PLEKHG1: variants seen among roughly 807,000 people sequenced by gnomAD.
The protein encoded by PLEKHG1 is pleckstrin homology and RhoGEF domain containing G1.
A neutral mutation model predicts 100.8 loss-of-function variants in PLEKHG1; 44 were observed. That is an observed-to-expected ratio of 0.44 (90% CI 0.34 to 0.56). The LOEUF is 0.56. PLEKHG1 is among the 20% of genes least tolerant of loss of function. PLEKHG1 has a pLI of 0.01. For synonymous variants in PLEKHG1, 640 were observed against 662.5 expected (o/e 0.97, Z 0.52); for missense variants, 1,545 against 1,720.9 (o/e 0.90, Z 1.81).
chr6:150,760,075 A>C (rs1478795175), intron 2 of PLEKHG1, among the ~76,000 whole-genome samples: 1 of 152,182 alleles, frequency 6.6e-6, no homozygotes, highest in Admixed American at 6.5e-5. Flanking sequence ...AATAATGTAC[A>C]TTTATTTTAC....
In PLEKHG1 at chr6:150,819,728, C is replaced by T. The variant is rs150554027; in HGVS notation, c.1362C>T (p.Phe454=). Residue 454 remains phenylalanine, a synonymous_variant, in exon 12 of 16, where the codon TTC becomes TTT. Transcript: ENST00000358517. The stretch of plus-strand genomic sequence containing the variant: ...CTGAGGGAGGGACGAAAGCACTGTT[C>T]GGCTCTAAAGAAGGTTCTGCTCCAT... 11,549 of 1,612,102 alleles carry T rather than the reference C, an allele frequency of 7.2e-3. 60 individuals are homozygous for T. The highest frequency in any genetic ancestry group is 8.6e-3 in the Non-Finnish European group (10,158 of 1,178,220).
At chr6:150,747,534 T>C (rs965993640) in intron 2 of PLEKHG1, among the ~76,000 whole-genome samples, 1 of 152,246 alleles carries the variant, frequency 6.6e-6, no homozygotes, top group Middle Eastern at 3.2e-3. Flanking sequence ...TTGTTCTAGA[T>C]AGCAGCTTTC....
intron 1 of PLEKHG1, among the ~76,000 whole-genome samples, chr6:150,616,294 G>A (rs185398652): frequency 6.6e-6 from 1 of 152,190 alleles, no homozygotes; most frequent in Admixed American, 6.5e-5. Context: ...GTTATAGGCA[G>A]CTACATACCT....
intron 3 of PLEKHG1, 92 bp from the exon 5 acceptor site, chr6:150,786,298 G>T: frequency 1.2e-6 from 1 of 814,872 alleles, no homozygotes. Context: ...CCTTGTAAAT[G>T]CCATGGAAAT....
intron 1 of PLEKHG1, among the ~76,000 whole-genome samples, chr6:150,607,347 A>G (rs1377029882): frequency 6.6e-6 from 1 of 152,162 alleles, no homozygotes. Context: ...GTGATTACAG[A>G]CAGGCCTCAA....
At chr6:150,801,437 C>T (rs9383849) in intron 6 of PLEKHG1, among the ~76,000 whole-genome samples, 24,713 of 108,996 alleles carry the variant, frequency 0.23, 2,731 homozygotes, top group East Asian at 0.28. Context: ...CTTTTCTTTT[C>T]TTTTTTTTTT....
At chr6:150,829,528 G>C (rs1429659174) in intron 14 of PLEKHG1, among the ~76,000 whole-genome samples, 1 of 152,166 alleles carries the variant, frequency 6.6e-6, no homozygotes, top group Non-Finnish European at 1.5e-5. Context: ...TGAAGCACGA[G>C]AATTGCTTGA....
chr6:150,780,042 C>G (rs1294888996), intron 3 of PLEKHG1, among the ~76,000 whole-genome samples: 1 of 151,976 alleles, frequency 6.6e-6, no homozygotes, highest in African/African-American at 2.4e-5. Flanking sequence ...TACTGAAAGA[C>G]CAGGACACAA....
intron 5 of PLEKHG1, among the ~76,000 whole-genome samples, chr6:150,797,897 C>T (rs1360597509): frequency 7.4e-6 from 1 of 135,164 alleles, no homozygotes; most frequent in African/African-American, 2.7e-5. Flanking sequence ...AGTTTAGAGG[C>T]TCAACTTACT....
exon 7 of PLEKHG1, chr6:150,804,653 T>G (rs767486149): frequency 6.2e-7 from 1 of 1,613,080 alleles, no homozygotes; most frequent in East Asian, 2.2e-5. Context: ...GGCTATGATG[T>G]GGTGCTTGAT....
chr6:150,764,211 G>T (rs1211258678), intron 2 of PLEKHG1, among the ~76,000 whole-genome samples: 1 of 150,408 alleles, frequency 6.6e-6, no homozygotes, highest in African/African-American at 2.5e-5. Flanking sequence ...TTTGCCTCCC[G>T]GGTTCAAGCG....
upstream of PLEKHG1, among the ~76,000 whole-genome samples, chr6:150,720,562 G>T (rs1186200784): frequency 6.6e-6 from 1 of 152,072 alleles, no homozygotes; most frequent in African/African-American, 2.4e-5. Flanking sequence ...CAAGTGTCTT[G>T]TTAACAGAAA....
intron 13 of PLEKHG1, among the ~76,000 whole-genome samples, chr6:150,821,872 G>A (rs113055660): frequency 0.19 from 28,154 of 148,680 alleles, 2,918 homozygotes; most frequent in Middle Eastern, 0.26. Flanking sequence ...ACAGAGTCTT[G>A]CTCTTGTTGC....
At chr6:150,730,307 A>G (rs1056516262) in intron 1 of PLEKHG1, among the ~76,000 whole-genome samples, 1 of 142,662 alleles carries the variant, frequency 7.0e-6, no homozygotes, top group Non-Finnish European at 1.5e-5. Context: ...ACAATTTTTC[A>G]AAGGATGAAG....
chr6:150,620,346 C>T (rs972307878), intron 1 of PLEKHG1, among the ~76,000 whole-genome samples: 6 of 152,246 alleles, frequency 3.9e-5, no homozygotes, highest in Non-Finnish European at 8.8e-5. Context: ...CACCGCTACT[C>T]AGAAGCACCT....
intron 1 of PLEKHG1, among the ~76,000 whole-genome samples, chr6:150,628,912 A>G (rs1777626255): frequency 6.6e-6 from 1 of 152,208 alleles, no homozygotes; most frequent in African/African-American, 2.4e-5. Flanking sequence ...CAATGGAAAT[A>G]GAGAAGTTCA....
chr6:150,616,574 C>CA (rs1403300189), intron 1 of PLEKHG1, among the ~76,000 whole-genome samples: 1 of 152,118 alleles, frequency 6.6e-6, no homozygotes, highest in African/African-American at 2.4e-5. Flanking sequence ...TGGGATGCCC[C>CA]ACTTAAGTAC....
At chr6:150,611,581 G>C (rs1776830004) in intron 1 of PLEKHG1, among the ~76,000 whole-genome samples, 1 of 152,210 alleles carries the variant, frequency 6.6e-6, no homozygotes, top group African/African-American at 2.4e-5. Flanking sequence ...GGAGGCCGAG[G>C]CAGGTGGATC....
At chr6:150,623,763 G>C (rs893080342) in intron 1 of PLEKHG1, among the ~76,000 whole-genome samples, 2 of 152,182 alleles carry the variant, frequency 1.3e-5, no homozygotes, top group African/African-American at 4.8e-5. Context: ...TTTGTCATGT[G>C]CCTCTCTGAG....
Sources: gnomAD v4.1 joint callset for allele counts (sites outside exome capture counted in the v4.1 genomes callset) on GRCh38, gnomAD v4.1.1 for gene constraint, MANE v1.5 for transcripts, NCBI Gene and HGNC (gene_info 2026-07-23, HGNC 2026-07-21) for gene names.